Variants in FRMD4A observed in about 807,000 individuals in gnomAD.
FRMD4A encodes the protein FERM domain-containing protein 4A.
A neutral mutation model predicts 129.1 loss-of-function variants in FRMD4A; 29 were observed. The observed-to-expected ratio is 0.22, with a 90% CI of 0.17 to 0.31. The LOEUF is 0.31. FRMD4A is among the 10% of genes least tolerant of loss of function. The probability of loss-of-function intolerance (pLI) is 1.00; values close to 1 mark genes in which losing one functional copy is unlikely to be tolerated. For synonymous variants in FRMD4A, 634 were observed against 571.6 expected, an observed-to-expected ratio of 1.11 and a Z score of -1.56; for missense variants, 1,272 against 1,375.8, an observed-to-expected ratio of 0.92 and a Z score of 1.19.
chr10:13,762,857 G>C (rs1022889894), intron 6 of FRMD4A, among the ~76,000 whole-genome samples, 177 bp from the exon 7 acceptor site: 7 of 152,260 alleles, frequency 4.6e-5, no homozygotes, highest in African/African-American at 1.7e-4. Context: ...AGCTGGGCAG[G>C]GTGGTGCACG....
At chr10:14,033,606 G>A (rs568302462) in intron 2 of FRMD4A, among the ~76,000 whole-genome samples, 212 of 152,104 alleles carry the variant, frequency 1.4e-3, no homozygotes, top group African/African-American at 5.0e-3. Flanking sequence ...CCAACAAGGC[G>A]AAACCCCATC....
intron 17 of FRMD4A, among the ~76,000 whole-genome samples, chr10:13,669,960 G>C (rs1360107926): frequency 1.3e-5 from 2 of 152,184 alleles, no homozygotes; most frequent in African/African-American, 4.8e-5. Context: ...CCACGGGGCG[G>C]TGGACCCTAC....
At chr10:14,054,467 A>C (rs948170427) in intron 2 of FRMD4A, among the ~76,000 whole-genome samples, 1 of 152,206 alleles carries the variant, frequency 6.6e-6, no homozygotes, top group Non-Finnish European at 1.5e-5. Flanking sequence ...AAAAGTTTTC[A>C]TATGGCTAAA....
chr10:13,918,104 T>C (rs1336480299), intron 2 of FRMD4A, among the ~76,000 whole-genome samples: 1 of 152,226 alleles, frequency 6.6e-6, no homozygotes, highest in Non-Finnish European at 1.5e-5. Context: ...CTGAGATTTA[T>C]TCTTCTCCTT....
chr10:14,127,964 T>TTC, intron 2 of FRMD4A, among the ~76,000 whole-genome samples: 1 of 35,362 alleles, frequency 2.8e-5, no homozygotes, highest in African/African-American at 1.5e-4. Context: ...CTTTCTTTCT[T>TTC]TCTTTCTTTC....
intron 21 of FRMD4A, 56 bp from the exon 22 acceptor site, chr10:13,657,578 T>C (rs2082275963): frequency 1.4e-6 from 2 of 1,409,434 alleles, no homozygotes; most frequent in Non-Finnish European, 1.9e-6. Flanking sequence ...CAAGGAGGGG[T>C]GCTCCGGGGA....
At chr10:14,174,691 T>C (rs1841640488) in intron 2 of FRMD4A, among the ~76,000 whole-genome samples, 1 of 152,190 alleles carries the variant, frequency 6.6e-6, no homozygotes, top group Non-Finnish European at 1.5e-5. Flanking sequence ...CTGCGTGGAG[T>C]ACTTCTAAAT....
chr10:13,986,177 C>T (rs2095580533), intron 2 of FRMD4A, among the ~76,000 whole-genome samples: 1 of 152,136 alleles, frequency 6.6e-6, no homozygotes, highest in African/African-American at 2.4e-5. Context: ...CCATGGGGGT[C>T]CCCTGGGAAG....
chr10:13,796,614 T>C (rs750276698), intron 4 of FRMD4A, 26 bp from the exon 5 acceptor site: 8 of 1,273,188 alleles, frequency 6.3e-6, no homozygotes, highest in Non-Finnish European at 9.2e-6. Context: ...ACAAATTGGT[T>C]AGGGGTTTGC....
chr10:13,849,243 C>T (rs369191876), intron 3 of FRMD4A, among the ~76,000 whole-genome samples: 231 of 152,304 alleles, frequency 1.5e-3, no homozygotes, highest in African/African-American at 5.2e-3. Context: ...CTCCCAGCTT[C>T]TGCACACGCC....
chr10:14,145,229 C>A (rs1451832818), intron 2 of FRMD4A, among the ~76,000 whole-genome samples: 1 of 152,224 alleles, frequency 6.6e-6, no homozygotes, highest in Non-Finnish European at 1.5e-5. Flanking sequence ...ACCTCGAATT[C>A]TATTCCTAAC....
At chr10:13,974,774 G>A (rs1050630200) in intron 2 of FRMD4A, among the ~76,000 whole-genome samples, 7 of 152,112 alleles carry the variant, frequency 4.6e-5, no homozygotes, top group African/African-American at 1.7e-4. Flanking sequence ...TGATCCACCC[G>A]CCTCGCTCTC....
chr10:14,306,042 G>A (rs952045915), intron 2 of FRMD4A, among the ~76,000 whole-genome samples: 5 of 152,120 alleles, frequency 3.3e-5, no homozygotes, highest in Non-Finnish European at 7.3e-5. Context: ...TTAATACCTA[G>A]GTGATGGGAT....
chr10:14,216,356 C>G (rs1047267899), intron 2 of FRMD4A, among the ~76,000 whole-genome samples: 2 of 152,094 alleles, frequency 1.3e-5, no homozygotes, highest in African/African-American at 4.8e-5. Context: ...CCAATAGGTA[C>G]AGGAACTGTA....
At chr10:13,651,341 T>G (rs991902424) in intron 24 of FRMD4A, 5 of 152,784 alleles carry the variant, frequency 3.3e-5, no homozygotes, top group African/African-American at 1.2e-4. Flanking sequence ...GCTTTGAAAC[T>G]TACATTGCAG....
chr10:13,900,225 T>C (rs769847233), intron 2 of FRMD4A, among the ~76,000 whole-genome samples: 25 of 152,104 alleles, frequency 1.6e-4, no homozygotes, highest in Non-Finnish European at 2.8e-4. Context: ...GTCCCCGGGG[T>C]GTATGAAGAA....
chr10:13,668,096 G>C (rs1415824490), intron 17 of FRMD4A: 1 of 152,202 alleles, frequency 6.6e-6, no homozygotes, highest in African/African-American at 2.4e-5. Context: ...ATTGACTTTT[G>C]AGCACTTTAA....
chr10:14,235,958 C>T (rs1843798124), intron 2 of FRMD4A, among the ~76,000 whole-genome samples: 1 of 152,134 alleles, frequency 6.6e-6, no homozygotes. Flanking sequence ...CAACCTAGGC[C>T]AAAAGAGAGA....
At chr10:13,825,351 G>A (rs971074843) in intron 3 of FRMD4A, among the ~76,000 whole-genome samples, 6 of 152,116 alleles carry the variant, frequency 3.9e-5, no homozygotes, top group Admixed American at 1.3e-4. Context: ...ACCCCGGGCC[G>A]CAGACCAGTA....
Sources: gnomAD v4.1 joint callset for allele counts (sites outside exome capture counted in the v4.1 genomes callset) on GRCh38, gnomAD v4.1.1 for gene constraint, MANE v1.5 for transcripts, NCBI Gene and HGNC (gene_info 2026-07-23, HGNC 2026-07-21) for gene names.